The following ZNF518A variants were observed in gnomAD, a reference collection of about 807,000 sequenced individuals.
ZNF518A encodes zinc finger protein 518A.
Under a neutral mutation model 102.7 loss-of-function variants are expected in ZNF518A, and 47 were observed. That is an observed-to-expected ratio of 0.46 (90% CI 0.36 to 0.58). The LOEUF is 0.58. ZNF518A is among the 20% of genes least tolerant of loss of function. The pLI is 0.00. For synonymous variants in ZNF518A, 652 were observed against 594.6 expected (o/e 1.10, Z -1.40); for missense variants, 1,793 against 1,699.8 (o/e 1.05, Z -0.96).
At chr10:96,135,766 T>G (rs996269784) in intron 3 of ZNF518A, among the ~76,000 whole-genome samples, 1 of 152,210 alleles carries the variant, frequency 6.6e-6, no homozygotes, top group Non-Finnish European at 1.5e-5. Context: ...ATTCCTTGTC[T>G]TGGAAGTGCT....
intron 3 of ZNF518A, chr10:96,135,026 CTT>C (rs2142312523): frequency 6.6e-6 from 1 of 152,350 alleles, no homozygotes; most frequent in South Asian, 2.1e-4. Flanking sequence ...GTCTTACTGT[CTT>C]ATAACCTGAG....
chr10:96,146,816 T>C (rs587632288), intron 3 of ZNF518A, among the ~76,000 whole-genome samples: 2 of 152,324 alleles, frequency 1.3e-5, no homozygotes, highest in East Asian at 3.9e-4. Flanking sequence ...AAACACCAAA[T>C]TGTTTAGTTT....
intron 1 of ZNF518A, among the ~76,000 whole-genome samples, chr10:96,178,859 AAAAC>A (rs1489091139): frequency 1.3e-5 from 2 of 152,058 alleles, no homozygotes; most frequent in African/African-American, 4.8e-5. Context: ...ACAAATTAAC[AAAAC>A]AAAAATAGAA....
intron 1 of ZNF518A, chr10:96,189,384 G>A (rs1180173645): frequency 3.3e-5 from 19 of 577,464 alleles, no homozygotes; most frequent in Non-Finnish European, 5.5e-5. Context: ...TCCACTGCCA[G>A]GATCTTGAAT....
chr10:96,196,649 A>C (rs2083473534), intron 1 of ZNF518A, among the ~76,000 whole-genome samples: 1 of 152,194 alleles, frequency 6.6e-6, no homozygotes, highest in Admixed American at 6.5e-5. Context: ...CTGGACTAAA[A>C]TCTTGGGTCA....
chr10:96,191,072 TAGTG>T (rs1285837271), intron 1 of ZNF518A, among the ~76,000 whole-genome samples: 4 of 152,232 alleles, frequency 2.6e-5, no homozygotes, highest in South Asian at 4.2e-4. Context: ...GTTGTTGTGA[TAGTG>T]AGTAAGTCTC....
chr10:96,155,228 C>CT (rs2082644539), intron 3 of ZNF518A, 98 bp from the exon 4 acceptor site: 1 of 152,120 alleles, frequency 6.6e-6, no homozygotes, highest in African/African-American at 2.4e-5. Context: ...TTATATGGCA[C>CT]TTTAAAGGAT....
intron 1 of ZNF518A, among the ~76,000 whole-genome samples, chr10:96,182,959 CT>C (rs1430956865): frequency 6.6e-6 from 1 of 152,044 alleles, no homozygotes; most frequent in Non-Finnish European, 1.5e-5. Flanking sequence ...TCCTGGACTT[CT>C]TTTGGTTGGT....
chr10:96,160,862 T>C lies in ZNF518A; in HGVS notation c.*88T>C. ...TTACCATAATGCAGACATTTTCTACTTCAGTATAGTACCTGAAATCGAACA... is the reference window on the plus strand; with the variant it reads ...TTACCATAATGCAGACATTTTCTACCTCAGTATAGTACCTGAAATCGAACA... On this transcript the variant is annotated 3_prime_UTR_variant, in exon 6 of 6. Transcript: ENST00000316045. 1 of 1,319,320 alleles carries C rather than the reference T, an allele frequency of 7.6e-7. No homozygotes were observed. The highest frequency in any genetic ancestry group is 1.0e-6 in the Non-Finnish European group (1 of 992,414). 81.7% of individuals were successfully genotyped at this position (1,319,320 alleles called of 1,614,324 possible).
chr10:96,168,581 T>C (rs2083156546), downstream of ZNF518A, among the ~76,000 whole-genome samples: 1 of 152,170 alleles, frequency 6.6e-6, no homozygotes, highest in South Asian at 2.1e-4. Flanking sequence ...AATATCTTAA[T>C]TTTTCTGTTT....
At chr10:96,152,573 T>C (rs1236153875) in intron 3 of ZNF518A, among the ~76,000 whole-genome samples, 2 of 152,204 alleles carry the variant, frequency 1.3e-5, no homozygotes, top group African/African-American at 4.8e-5. Flanking sequence ...TCATACCTTG[T>C]TTAACGATGG....
chr10:96,158,342 G>A lies in ZNF518A; in HGVS notation c.2020G>A (p.Val674Ile). ...AGAATCTTCATCCAGCAAAACAGTTGTCCAACAACCAATTAGTGAATCATT... is the reference window on the plus strand; with the variant it reads ...AGAATCTTCATCCAGCAAAACAGTTATCCAACAACCAATTAGTGAATCATT... The part of the protein sequence containing the change: ...QRESSSSKTV[V>I]QQPISESFLS... Residue 674 changes from valine to isoleucine, a missense_variant, in exon 6 of 6, where the codon GTC becomes ATC. This residue lies in a region of ZNF518A where 1,741 missense variants were observed against 1,622.6 expected (regional missense o/e 1.07). Coordinates refer to ENST00000316045, the MANE Select transcript of ZNF518A (RefSeq NM_001330736.2). The A allele has an allele frequency of 6.2e-7, 1 of 1,613,718 alleles. No homozygotes were observed. Among genetic ancestry groups the A allele is most frequent in the South Asian group, 1.1e-5 (1 of 91,076 alleles).
intron 1 of ZNF518A, among the ~76,000 whole-genome samples, chr10:96,192,966 A>G (rs1159804252): frequency 5.9e-5 from 9 of 152,208 alleles, no homozygotes; most frequent in African/African-American, 2.2e-4. Context: ...GATAAAGACA[A>G]ACATCCACAG....
rs1476523660 is a variant in ZNF518A at position 96,158,538 on chromosome 10, A to T, written c.2216A>T (p.Gln739Leu). 6.2e-7 allele frequency: 1 copy of T among 1,612,972 alleles called. No homozygotes were observed. The highest frequency in any genetic ancestry group is 8.5e-7 in the Non-Finnish European group (1 of 1,179,560). ...DGQNLYSNENQNLECATEKSK... is the reference protein window; with the variant it reads ...DGQNLYSNENLNLECATEKSK... ...CAAAACCTGTACAGTAATGAAAATC[A>T]AAATTTAGAGTGTGCGACTGAAAAA... is the stretch of plus-strand genomic sequence containing the variant. Residue 739 changes from glutamine to leucine, a missense_variant, in exon 6 of 6, where the codon CAA (glutamine) becomes CTA (leucine). By Grantham distance (113) the Gln-to-Leu change is moderately radical (BLOSUM62 -2). Around this residue, in one of 3 missense-constraint regions of ZNF518A, gnomAD observed 1,741 missense variants for 1,622.6 expected, o/e 1.07. Coordinates refer to ENST00000316045, the MANE Select transcript of ZNF518A (RefSeq NM_001330736.2).
intron 3 of ZNF518A, among the ~76,000 whole-genome samples, chr10:96,151,028 C>T (rs1554880257): frequency 6.6e-6 from 1 of 152,064 alleles, no homozygotes; most frequent in Non-Finnish European, 1.5e-5. Context: ...GCTGGGATTA[C>T]AGGTGTGAGC....
At chr10:96,153,154 G>A (rs2082531837) in intron 3 of ZNF518A, among the ~76,000 whole-genome samples, 1 of 152,230 alleles carries the variant, frequency 6.6e-6, no homozygotes, top group Non-Finnish European at 1.5e-5. Flanking sequence ...AGAGAGCCTG[G>A]AGTTCTGATG....
chr10:96,132,929 A>G (rs931055551), intron 2 of ZNF518A: 2 of 152,146 alleles, frequency 1.3e-5, no homozygotes, highest in East Asian at 3.8e-4. Flanking sequence ...AAAGAAAAAA[A>G]GAATGAAACC....
At position 96,157,386 on chromosome 10, in the gene ZNF518A, A is replaced by C. The variant is rs1443420558; in HGVS notation, c.1064A>C (p.Gln355Pro). The C allele has an allele frequency of 6.2e-7, 1 of 1,611,682 alleles. No homozygotes were observed. The highest frequency in any genetic ancestry group is 8.5e-7 in the Non-Finnish European group (1 of 1,178,868). Residue 355 changes from glutamine (Q) to proline (P), a missense_variant, in exon 6 of 6, where the codon CAG becomes CCG. Transcript: ENST00000316045. ...TQVLKKMNKTQTKSEDQSHVV... is the reference protein window; with the variant it reads ...TQVLKKMNKTPTKSEDQSHVV... ...GTGCTTAAGAAAATGAACAAAACACAGACTAAATCTGAAGACCAGAGCCAT... is the reference window on the plus strand; with the variant it reads ...GTGCTTAAGAAAATGAACAAAACACCGACTAAATCTGAAGACCAGAGCCAT...
At chr10:96,137,176 G>A (rs1554874787) in intron 3 of ZNF518A, among the ~76,000 whole-genome samples, 1 of 152,108 alleles carries the variant, frequency 6.6e-6, no homozygotes, top group Non-Finnish European at 1.5e-5. Context: ...TCCTTTCTAA[G>A]TTCACCTCTT....
Sources: allele counts gnomAD v4.1 joint callset (sites outside exome capture counted in the v4.1 genomes callset), GRCh38; gene constraint gnomAD v4.1.1; regional missense constraint gnomAD v4.1.1; transcripts MANE v1.5; gene names NCBI Gene and HGNC (gene_info 2026-07-23, HGNC 2026-07-21).